The following SH3GL2 variants were observed in gnomAD, a reference collection of about 807,000 sequenced individuals.
The protein encoded by SH3GL2 is SH3 domain containing GRB2 like 2, endophilin A1.
In SH3GL2, 24 loss-of-function variants were observed where a neutral mutation model predicts 46.0. The observed-to-expected ratio is 0.52, with a 90% CI of 0.38 to 0.73. SH3GL2 has a LOEUF of 0.73. Among genes scored for constraint, SH3GL2 ranks in the 30% least tolerant of loss-of-function variants. SH3GL2 has a pLI of 0.00. For missense variants in SH3GL2, 413 were observed against 424.2 expected (o/e 0.97, Z 0.23); for synonymous variants, 196 against 147.1 (o/e 1.33, Z -2.40).
At chr9:17,705,887 G>T (rs1821459589) in intron 1 of SH3GL2, among the ~76,000 whole-genome samples, 1 of 151,868 alleles carries the variant, frequency 6.6e-6, no homozygotes, top group Non-Finnish European at 1.5e-5. Flanking sequence ...TACACCAAAT[G>T]CTCATGACAT....
chr9:17,735,370 G>A (rs1218043024), intron 1 of SH3GL2, among the ~76,000 whole-genome samples: 1 of 152,106 alleles, frequency 6.6e-6, no homozygotes, highest in Non-Finnish European at 1.5e-5. Flanking sequence ...AGAAAATCCA[G>A]AAATGTCCAT....
At chr9:17,731,268 A>C (rs1230413731) in intron 1 of SH3GL2, among the ~76,000 whole-genome samples, 4 of 152,100 alleles carry the variant, frequency 2.6e-5, no homozygotes. Context: ...TATACGTTGA[A>C]GCCCTAACCC....
At chr9:17,625,871 G>A (rs1321559676) in intron 1 of SH3GL2, among the ~76,000 whole-genome samples, 1 of 152,186 alleles carries the variant, frequency 6.6e-6, no homozygotes, top group Non-Finnish European at 1.5e-5. Flanking sequence ...GTCTTCATGG[G>A]AAACCTGTCC....
intron 1 of SH3GL2, among the ~76,000 whole-genome samples, chr9:17,592,249 C>G (rs1818498279): frequency 6.6e-6 from 1 of 152,152 alleles, no homozygotes; most frequent in African/African-American, 2.4e-5. Context: ...TTTGCTCTTC[C>G]CAGGCCCTCA....
intron 1 of SH3GL2, among the ~76,000 whole-genome samples, chr9:17,744,220 C>G (rs55880611): frequency 0.027 from 4,038 of 152,186 alleles, 175 homozygotes; most frequent in African/African-American, 0.093. Flanking sequence ...GAACTGTTGT[C>G]ACTGAGCAAA....
At chr9:17,656,332 G>A (rs1455962163) in intron 1 of SH3GL2, among the ~76,000 whole-genome samples, 1 of 151,892 alleles carries the variant, frequency 6.6e-6, no homozygotes, top group African/African-American at 2.4e-5. Flanking sequence ...ACCAACTAAT[G>A]TATCATAAAA....
At chr9:17,738,575 T>TATATATAG (rs146902227) in intron 1 of SH3GL2, among the ~76,000 whole-genome samples, 4 of 108,260 alleles carry the variant, frequency 3.7e-5, no homozygotes, top group African/African-American at 9.3e-5. Flanking sequence ...CATATATATA[T>TATATATAG]AGAGAGAGAG....
intron 1 of SH3GL2, among the ~76,000 whole-genome samples, chr9:17,601,919 G>C (rs893079750): frequency 6.6e-6 from 1 of 152,096 alleles, no homozygotes; most frequent in South Asian, 2.1e-4. Flanking sequence ...AAAGAGAAAT[G>C]GTCAAGCTTG....
At chr9:17,753,214 G>T (rs1822897697) in intron 2 of SH3GL2, among the ~76,000 whole-genome samples, 1 of 152,130 alleles carries the variant, frequency 6.6e-6, no homozygotes, top group Admixed American at 6.5e-5. Context: ...ATTCCTTTGG[G>T]TGTATATCCA....
At chr9:17,785,193 C>T (rs377095235) in intron 3 of SH3GL2, among the ~76,000 whole-genome samples, 81 of 152,144 alleles carry the variant, frequency 5.3e-4, no homozygotes, top group Non-Finnish European at 1.9e-4. Flanking sequence ...TTGCGATGCC[C>T]CTCCCCAACT....
chr9:17,769,739 C>G (rs1275579710), intron 3 of SH3GL2, among the ~76,000 whole-genome samples: 2 of 152,060 alleles, frequency 1.3e-5, no homozygotes, highest in African/African-American at 4.8e-5. Flanking sequence ...TCTAATTTAT[C>G]TTTTTGTTTA....
chr9:17,786,663 A>C (rs1016463922), intron 4 of SH3GL2, 139 bp downstream of exon 4: 14 of 773,164 alleles, frequency 1.8e-5, no homozygotes, highest in Non-Finnish European at 2.8e-5. Context: ...ATGGGCCAAA[A>C]ATTTGTTTTC....
intron 1 of SH3GL2, among the ~76,000 whole-genome samples, chr9:17,622,469 T>C (rs1819166697): frequency 6.6e-6 from 1 of 152,160 alleles, no homozygotes; most frequent in Non-Finnish European, 1.5e-5. Flanking sequence ...ACACTAGAAT[T>C]GGGTGTCCAG....
At chr9:17,756,839 C>G (rs1563841474) in intron 2 of SH3GL2, among the ~76,000 whole-genome samples, 1 of 151,882 alleles carries the variant, frequency 6.6e-6, no homozygotes, top group Non-Finnish European at 1.5e-5. Context: ...GGGTATATAC[C>G]CAGTAATGGG....
chr9:17,676,838 T>A (rs936778408), intron 1 of SH3GL2, among the ~76,000 whole-genome samples: 5 of 152,194 alleles, frequency 3.3e-5, no homozygotes, highest in African/African-American at 9.7e-5. Context: ...TTCTCATCTT[T>A]CTCTAGTTTC....
At chr9:17,689,113 G>T (rs1821002166) in intron 1 of SH3GL2, among the ~76,000 whole-genome samples, 1 of 151,940 alleles carries the variant, frequency 6.6e-6, no homozygotes. Flanking sequence ...GATGAAAATG[G>T]CACTTCACCT....
At chr9:17,745,899 A>G (rs1822667953) in intron 1 of SH3GL2, among the ~76,000 whole-genome samples, 1 of 152,224 alleles carries the variant, frequency 6.6e-6, no homozygotes, top group Admixed American at 6.5e-5. Flanking sequence ...TATGTAATAC[A>G]GTGACAACTT....
intron 1 of SH3GL2, among the ~76,000 whole-genome samples, chr9:17,736,031 AG>A (rs1368419630): frequency 6.6e-6 from 1 of 152,088 alleles, no homozygotes; most frequent in African/African-American, 2.4e-5. Flanking sequence ...GGGTATCTCC[AG>A]GAAGTCAGCC....
At chr9:17,630,294 G>A (rs1230724742) in intron 1 of SH3GL2, 4 of 152,154 alleles carry the variant, frequency 2.6e-5, no homozygotes, top group Non-Finnish European at 4.4e-5. Flanking sequence ...TAATAATAAG[G>A]TGATGAAAAT....
Sources: allele counts gnomAD v4.1 joint callset (sites outside exome capture counted in the v4.1 genomes callset), GRCh38; gene constraint gnomAD v4.1.1; transcripts MANE v1.5; gene names NCBI Gene and HGNC (gene_info 2026-07-23, HGNC 2026-07-21).